Variants in AGBL4 observed in about 807,000 individuals in gnomAD.
AGBL4 encodes the protein AGBL carboxypeptidase 4.
In AGBL4, 58 loss-of-function variants were observed where a neutral mutation model predicts 66.4. That is an observed-to-expected ratio of 0.87 (90% confidence interval 0.71 to 1.09). The LOEUF is 1.09. Among genes scored for constraint, AGBL4 ranks in the 50% least tolerant of loss-of-function variants. The pLI, the probability that AGBL4 is intolerant of heterozygous loss-of-function variation, is 0.00. For synonymous variants in AGBL4, 234 were observed against 222.9 expected, an observed-to-expected ratio of 1.05 and a Z score of -0.44; for missense variants, 579 against 631.0, an observed-to-expected ratio of 0.92 and a Z score of 0.88.
intron 2 of AGBL4, among the ~76,000 whole-genome samples, chr1:49,757,234 A>G (rs763538366): frequency 6.6e-6 from 1 of 152,094 alleles, no homozygotes; most frequent in Non-Finnish European, 1.5e-5. Flanking sequence ...ATATTTTTTG[A>G]GGCTTCCCAG....
At chr1:49,370,979 T>A (rs1433686680) in intron 3 of AGBL4, among the ~76,000 whole-genome samples, 1 of 152,030 alleles carries the variant, frequency 6.6e-6, no homozygotes, top group African/African-American at 2.4e-5. Flanking sequence ...CACCAAATGC[T>A]CCTACACCAA....
intron 3 of AGBL4, among the ~76,000 whole-genome samples, chr1:49,551,540 G>A (rs771201720): frequency 1.3e-5 from 2 of 152,128 alleles, no homozygotes; most frequent in Non-Finnish European, 2.9e-5. Flanking sequence ...TTTGCTGTTA[G>A]CTGAACTGCA....
At chr1:49,214,198 G>A (rs1648896706) in intron 4 of AGBL4, among the ~76,000 whole-genome samples, 1 of 152,042 alleles carries the variant, frequency 6.6e-6, no homozygotes, top group Admixed American at 6.6e-5. Context: ...ATTTATTTGG[G>A]AAATAATTTT....
chr1:48,783,425 G>T (rs1457785187), intron 6 of AGBL4, among the ~76,000 whole-genome samples: 1 of 152,152 alleles, frequency 6.6e-6, no homozygotes, highest in African/African-American at 2.4e-5. Flanking sequence ...CAGGCTTAAA[G>T]GCCAATGAAC....
intron 2 of AGBL4, among the ~76,000 whole-genome samples, chr1:49,703,919 C>T (rs555062333): frequency 6.6e-6 from 1 of 152,040 alleles, no homozygotes; most frequent in Admixed American, 6.6e-5. Flanking sequence ...GCAGTAGCAA[C>T]AAGCAATGGC....
the AGBL4 span, among the ~76,000 whole-genome samples, chr1:48,524,770 A>G: frequency 1.0e-3 from 156 of 152,088 alleles, 2 homozygotes; most frequent in African/African-American, 2.9e-3. Context: ...TAATGGTAGC[A>G]CACACACACA....
At chr1:49,435,318 C>G (rs1412837347) in intron 3 of AGBL4, among the ~76,000 whole-genome samples, 1 of 152,056 alleles carries the variant, frequency 6.6e-6, no homozygotes, top group Non-Finnish European at 1.5e-5. Context: ...AAAATAATTT[C>G]CTTGTTATTA....
At chr1:49,811,785 T>C (rs1645108503) in intron 2 of AGBL4, among the ~76,000 whole-genome samples, 1 of 152,106 alleles carries the variant, frequency 6.6e-6, no homozygotes, top group Non-Finnish European at 1.5e-5. Context: ...AGACAAATTA[T>C]ATAGCACTTT....
chr1:49,301,713 T>C (rs1644747698), intron 3 of AGBL4, among the ~76,000 whole-genome samples: 1 of 152,208 alleles, frequency 6.6e-6, no homozygotes, highest in Non-Finnish European at 1.5e-5. Context: ...ATCACTATTA[T>C]GAAACCTAAG....
At chr1:49,925,530 G>C (rs1652677818) in intron 1 of AGBL4, among the ~76,000 whole-genome samples, 1 of 152,128 alleles carries the variant, frequency 6.6e-6, no homozygotes, top group African/African-American at 2.4e-5. Context: ...TCTTGAGCTT[G>C]GGTGTCAGCT....
chr1:49,861,288 T>C (rs535287828), intron 1 of AGBL4, among the ~76,000 whole-genome samples: 23 of 152,110 alleles, frequency 1.5e-4, no homozygotes, highest in Non-Finnish European at 2.6e-4. Flanking sequence ...TACTGAGATA[T>C]CAGCTGGGGC....
At chr1:49,451,825 G>GA (rs1336271706) in intron 3 of AGBL4, among the ~76,000 whole-genome samples, 1 of 151,740 alleles carries the variant, frequency 6.6e-6, no homozygotes, top group African/African-American at 2.4e-5. Context: ...TAGAGTAAAG[G>GA]AAAAAATTAC....
At chr1:48,744,442 C>T (rs1463491305) in intron 6 of AGBL4, among the ~76,000 whole-genome samples, 1 of 152,158 alleles carries the variant, frequency 6.6e-6, no homozygotes, top group Admixed American at 6.5e-5. Context: ...TATATTTCCC[C>T]TAAAGCACAT....
At chr1:49,895,869 T>C (rs1389565325) in intron 1 of AGBL4, among the ~76,000 whole-genome samples, 1 of 151,558 alleles carries the variant, frequency 6.6e-6, no homozygotes, top group Non-Finnish European at 1.5e-5. Flanking sequence ...CAAGTCCTTA[T>C]TTATCAATAA....
intron 1 of AGBL4, among the ~76,000 whole-genome samples, chr1:49,881,043 G>T (rs984389234): frequency 2.0e-5 from 3 of 152,092 alleles, no homozygotes; most frequent in South Asian, 2.1e-4. Flanking sequence ...GCACCCACTG[G>T]CCTGCGCCCA....
At chr1:48,994,037 T>C (rs905242319) in intron 5 of AGBL4, among the ~76,000 whole-genome samples, 3 of 152,180 alleles carry the variant, frequency 2.0e-5, no homozygotes, top group African/African-American at 4.8e-5. Context: ...GAAGGGAGGA[T>C]GATCAGTGGA....
intron 1 of AGBL4, among the ~76,000 whole-genome samples, chr1:49,925,131 T>C (rs1466254499): frequency 6.6e-6 from 1 of 152,180 alleles, no homozygotes; most frequent in Non-Finnish European, 1.5e-5. Flanking sequence ...GGTGACTCCA[T>C]CCTTTCACTT....
chr1:49,185,032 C>T (rs543626443), intron 4 of AGBL4, among the ~76,000 whole-genome samples: 1 of 152,254 alleles, frequency 6.6e-6, no homozygotes, highest in African/African-American at 2.4e-5. Flanking sequence ...TAATCGTTGG[C>T]ATTAAACAGG....
At chr1:49,938,383 C>T (rs1654341226) in intron 1 of AGBL4, among the ~76,000 whole-genome samples, 2 of 152,130 alleles carry the variant, frequency 1.3e-5, no homozygotes, top group African/African-American at 4.8e-5. Context: ...TAGTCCAGGA[C>T]CAGATGGATT....
Sources: gnomAD v4.1 joint callset for allele counts (sites outside exome capture counted in the v4.1 genomes callset) on GRCh38, gnomAD v4.1.1 for gene constraint, MANE v1.5 for transcripts, NCBI Gene and HGNC (gene_info 2026-07-23, HGNC 2026-07-21) for gene names.